DMD: variants seen among roughly 807,000 people sequenced by gnomAD.
DMD encodes the protein dystrophin, also known as mutant dystrophin.
In DMD, 63 loss-of-function variants were observed where a neutral mutation model predicts 330.1. That is an observed-to-expected ratio of 0.19 (90% CI 0.16 to 0.24). The LOEUF (loss-of-function observed/expected upper bound fraction) is 0.24. Among genes scored for constraint, DMD ranks in the 10% least tolerant of loss-of-function variants. The pLI is 1.00. For synonymous variants in DMD, 1,223 were observed against 959.8 expected (o/e 1.27, Z -5.07); for missense variants, 3,344 against 2,684.1 (o/e 1.25, Z -5.43).
At chrX:33,243,191 A>C (rs5972791) in intron 1 of DMD, among the ~76,000 whole-genome samples, 11,465 of 111,374 alleles carry the variant, frequency 0.1, 620 homozygotes, top group African/African-American at 0.21. Context: ...CAATGTCTAG[A>C]AGGGTTTTTC....
intron 44 of DMD, among the ~76,000 whole-genome samples, chrX:31,968,982 T>C (rs2095375391): frequency 9.0e-6 from 1 of 111,394 alleles, no homozygotes; most frequent in Non-Finnish European, 1.9e-5. Flanking sequence ...AAAAAAACTC[T>C]AGAGATATTT....
At chrX:32,458,264 C>T (rs767880896) in intron 25 of DMD, among the ~76,000 whole-genome samples, 7 of 111,011 alleles carry the variant, frequency 6.3e-5, no homozygotes, top group South Asian at 3.7e-4. Context: ...TATTTGACCG[C>T]GTGTGTCTGG....
chrX:33,217,825 AG>A (rs1482712578), intron 1 of DMD, among the ~76,000 whole-genome samples: 10 of 111,265 alleles, frequency 9.0e-5, no homozygotes, highest in African/African-American at 3.3e-4. Flanking sequence ...ATCATTTCTA[AG>A]AGTAACTTTG....
chrX:32,778,243 C>CAAA (rs35311570), intron 7 of DMD, among the ~76,000 whole-genome samples: 12 of 67,640 alleles, frequency 1.8e-4, no homozygotes, highest in African/African-American at 5.0e-4. Flanking sequence ...CAGATCCTCG[C>CAAA]AAAAAAAAAA....
chrX:32,886,471 C>G (rs1292227617), intron 2 of DMD, among the ~76,000 whole-genome samples: 1 of 110,774 alleles, frequency 9.0e-6, no homozygotes, highest in Admixed American at 9.6e-5. Flanking sequence ...ATTACAAGGT[C>G]AGGAGATCGA....
At chrX:31,166,328 T>C (rs1047353295) in intron 74 of DMD, among the ~76,000 whole-genome samples, 2 of 111,237 alleles carry the variant, frequency 1.8e-5, no homozygotes, top group African/African-American at 6.5e-5. Flanking sequence ...GAACAATTAA[T>C]GGAATTTAAT....
intron 60 of DMD, among the ~76,000 whole-genome samples, chrX:31,381,319 T>C (rs1192897158): frequency 9.0e-6 from 1 of 111,689 alleles, no homozygotes; most frequent in African/African-American, 3.3e-5. Context: ...TCCAAACAAC[T>C]TGACCTTACT....
At chrX:32,866,264 G>A (rs776071902) in intron 2 of DMD, among the ~76,000 whole-genome samples, 4 of 112,002 alleles carry the variant, frequency 3.6e-5, no homozygotes, top group Admixed American at 1.9e-4. Flanking sequence ...AGAGACACAC[G>A]AGTAATCCTA....
chrX:32,167,173 T>C (rs1276857075), intron 44 of DMD, among the ~76,000 whole-genome samples: 1 of 112,328 alleles, frequency 8.9e-6, no homozygotes, highest in Non-Finnish European at 1.9e-5. Context: ...TGTGGTTACA[T>C]TTCATAGGTT....
chrX:33,097,402 C>T (rs768511260), intron 1 of DMD, among the ~76,000 whole-genome samples: 261 of 110,187 alleles, frequency 2.4e-3, no homozygotes, highest in African/African-American at 8.1e-3. Context: ...CTGGGTTTAC[C>T]ATCTTTTGAT....
intron 50 of DMD, among the ~76,000 whole-genome samples, chrX:31,814,988 A>G (rs1017665486): frequency 5.3e-5 from 6 of 112,232 alleles, no homozygotes; most frequent in African/African-American, 1.9e-4. Flanking sequence ...AGGTGCTAAA[A>G]TAAGATGGAT....
At chrX:32,463,628 A>G (rs766716520) in intron 24 of DMD, 34 bp from the exon 25 acceptor site, 48 of 1,076,668 alleles carry the variant, frequency 4.5e-5, no homozygotes, top group Non-Finnish European at 5.3e-5. Context: ...CCAGCTGAAA[A>G]AAATTACTGC....
At chrX:32,080,886 G>A (rs1322311782) in intron 44 of DMD, among the ~76,000 whole-genome samples, 5 of 112,021 alleles carry the variant, frequency 4.5e-5, no homozygotes, top group African/African-American at 6.5e-5. Flanking sequence ...AGGGTCATTC[G>A]AAGCTCTGAA....
chrX:31,878,722 T>C (rs1378747683), intron 47 of DMD, among the ~76,000 whole-genome samples: 1 of 112,051 alleles, frequency 8.9e-6, no homozygotes, highest in Non-Finnish European at 1.9e-5. Flanking sequence ...ATAAGGACAG[T>C]TCACAGAAAA....
chrX:32,629,152 C>G (rs1389122254), intron 11 of DMD, among the ~76,000 whole-genome samples: 1 of 111,593 alleles, frequency 9.0e-6, no homozygotes, highest in Non-Finnish European at 1.9e-5. Flanking sequence ...TGGGGTCTAT[C>G]TCTCTAACTC....
chrX:32,844,415 AAAAAAAG>A (rs1462115466), intron 4 of DMD, among the ~76,000 whole-genome samples: 85 of 57,201 alleles, frequency 1.5e-3, no homozygotes, highest in African/African-American at 7.3e-3. Context: ...TCAAAAAAAA[AAAAAAAG>A]AAAAGAAAAG....
intron 30 of DMD, among the ~76,000 whole-genome samples, chrX:32,398,270 C>A (rs1452040982): frequency 1.0e-5 from 1 of 99,268 alleles, no homozygotes; most frequent in African/African-American, 3.5e-5. Context: ...TAAACCCCCC[C>A]CCCCAAGTAG....
chrX:33,252,721 T>A (rs1011411903), intron 1 of DMD, among the ~76,000 whole-genome samples: 2 of 111,034 alleles, frequency 1.8e-5, no homozygotes, highest in African/African-American at 3.3e-5. Context: ...ACTTAAAAAA[T>A]GATATACCAT....
At chrX:32,370,679 G>T (rs1305710232) in intron 34 of DMD, among the ~76,000 whole-genome samples, 1 of 109,553 alleles carries the variant, frequency 9.1e-6, no homozygotes, top group Non-Finnish European at 1.9e-5. Flanking sequence ...AAATTACTCT[G>T]CTCACTTTAA....
Sources: allele counts gnomAD v4.1 joint callset (sites outside exome capture counted in the v4.1 genomes callset), GRCh38; gene constraint gnomAD v4.1.1; transcripts MANE v1.5; gene names NCBI Gene and HGNC (gene_info 2026-07-23, HGNC 2026-07-21).